Variants in TTC39C observed in about 807,000 individuals in gnomAD.
TTC39C encodes the protein tetratricopeptide repeat domain 39C, also known as tetratricopeptide repeat protein 39C.
A neutral mutation model predicts 76.3 loss-of-function variants in TTC39C; 33 were observed. That is an observed-to-expected ratio of 0.43 (90% CI 0.33 to 0.58). The LOEUF (loss-of-function observed/expected upper bound fraction) is 0.58, where lower values mean the gene tolerates loss of function less well. TTC39C is among the 20% of genes least tolerant of loss of function. TTC39C has a pLI of 0.04. For missense variants in TTC39C, 595 were observed against 701.4 expected (o/e 0.85, Z 1.71); for synonymous variants, 254 against 260.6 (o/e 0.97, Z 0.24).
At chr18:24,107,158 A>G (rs1225122615) in intron 6 of TTC39C, among the ~76,000 whole-genome samples, 7 of 152,168 alleles carry the variant, frequency 4.6e-5, no homozygotes, top group Admixed American at 1.3e-4. Flanking sequence ...TGGATGGTCA[A>G]ATTAAGACCT....
chr18:24,047,040 T>C (rs2083893456), intron 1 of TTC39C, among the ~76,000 whole-genome samples: 1 of 151,824 alleles, frequency 6.6e-6, no homozygotes, highest in African/African-American at 2.4e-5. Flanking sequence ...GCTCAGAACT[T>C]TAGTACAGTT....
intron 1 of TTC39C, among the ~76,000 whole-genome samples, chr18:24,040,193 C>T (rs769156738): frequency 1.3e-5 from 2 of 152,316 alleles, no homozygotes; most frequent in African/African-American, 4.8e-5. Context: ...AAATGATTAA[C>T]GTCAAATAAA....
At chr18:24,031,767 G>C (rs1016726156) in intron 1 of TTC39C, among the ~76,000 whole-genome samples, 1 of 152,114 alleles carries the variant, frequency 6.6e-6, no homozygotes, top group East Asian at 1.9e-4. Flanking sequence ...CTCTTTTGCA[G>C]CCTCTGTGGT....
Position 24,014,774 on chromosome 18 carries a change from C to T in TTC39C, c.-98C>T, listed in dbSNP as rs1177589948. 1 of 1,166,338 alleles carries T rather than the reference C, an allele frequency of 8.6e-7. No homozygotes were observed. Among genetic ancestry groups the T allele is most frequent in the Non-Finnish European group, 1.1e-6 (1 of 944,032 alleles). The allele number at this position is 1,166,338 out of a possible 1,614,324, so 72.2% of individuals were successfully genotyped here. A position where few individuals can be genotyped will look rare whatever the true frequency, so the allele number is the denominator to read the frequency against. ...CCCCTCCCCTCCCCTCCCGGCTCCGCTTGGCTCCGGGCAGGTAGAGCCGGG... is the reference window on the plus strand; with the variant it reads ...CCCCTCCCCTCCCCTCCCGGCTCCGTTTGGCTCCGGGCAGGTAGAGCCGGG... On this transcript the variant is annotated 5_prime_UTR_variant, in exon 1 of 14. Transcript: ENST00000317571.
intron 1 of TTC39C, among the ~76,000 whole-genome samples, chr18:24,060,722 G>T (rs1404096178): frequency 6.6e-6 from 1 of 152,088 alleles, no homozygotes; most frequent in Non-Finnish European, 1.5e-5. Context: ...CAAAGTCCTG[G>T]GTCCCAACAA....
At chr18:24,019,648 G>C (rs889532481) in intron 1 of TTC39C, among the ~76,000 whole-genome samples, 3 of 152,222 alleles carry the variant, frequency 2.0e-5, no homozygotes, top group African/African-American at 7.2e-5. Flanking sequence ...CCATACAGAT[G>C]GTTCCATATA....
At chr18:24,013,642 A>G (rs1483116120), upstream of TTC39C, among the ~76,000 whole-genome samples, 4 of 152,250 alleles carry the variant, frequency 2.6e-5, no homozygotes, top group African/African-American at 9.6e-5. Flanking sequence ...TAAAAACGAC[A>G]GCGACTCAAG....
In TTC39C at chr18:24,121,535, C is replaced by T. The variant is rs559617930; in HGVS notation, c.1187-2299C>T. ...CAGAAGTTGCAGTGAGCCAAGATCG[C>T]GCCATTGCACTCCGGCCTGGGCAAC... On this transcript the variant is annotated intron_variant, in intron 8 of 13. Coordinates refer to ENST00000317571, the MANE Select transcript of TTC39C (RefSeq NM_001135993.2). Among the ~76,000 whole-genome samples the T allele has an allele frequency of 1.4e-4, 22 of 152,136 alleles. No individual in the cohort carries two copies. The East Asian group carries it at 3.1e-3, about 21-fold the overall frequency.
At chr18:24,047,555 T>C (rs2083900588) in intron 1 of TTC39C, among the ~76,000 whole-genome samples, 1 of 152,156 alleles carries the variant, frequency 6.6e-6, no homozygotes, top group Non-Finnish European at 1.5e-5. Context: ...CTTTCTTTCC[T>C]TTTCTCCCTC....
intron 1 of TTC39C, among the ~76,000 whole-genome samples, chr18:24,024,117 A>G (rs1419752217): frequency 6.9e-6 from 1 of 145,302 alleles, no homozygotes; most frequent in Non-Finnish European, 1.5e-5. Flanking sequence ...GGTTCAAGCA[A>G]TTCTCCTGCC....
rs2084368626 is a variant in TTC39C, at chr18:24,080,951, T to A, written c.815+12T>A. On this transcript the variant is annotated intron_variant, in intron 5 of 13. Transcript: ENST00000317571. ...GCCCCTTTAGCTACGTGAGTAGCTG[T>A]ATTGCAATGCTTTGGTAGATAATAT... The A allele has an allele frequency of 6.3e-7, 1 of 1,575,424 alleles. No homozygotes were observed. The highest frequency in any genetic ancestry group is 8.7e-7 in the Non-Finnish European group (1 of 1,151,212).
At chr18:24,074,105 ATAAG>A (rs2084274563) in intron 4 of TTC39C, among the ~76,000 whole-genome samples, 3 of 152,236 alleles carry the variant, frequency 2.0e-5, no homozygotes, top group Admixed American at 1.3e-4. Flanking sequence ...GTAGGAACAA[ATAAG>A]TAAGTAAATA....
At chr18:24,029,206 G>A (rs2083638404) in intron 1 of TTC39C, among the ~76,000 whole-genome samples, 1 of 151,024 alleles carries the variant, frequency 6.6e-6, no homozygotes, top group Non-Finnish European at 1.5e-5. Flanking sequence ...GAGTTCAAGC[G>A]ATTCTCTTGT....
Position 24,129,420 on chromosome 18 carries a change from TTTGA to T in TTC39C, c.1518+441_1518+444del, listed in dbSNP as rs568983360. Among the ~76,000 whole-genome samples, 438 of 152,304 alleles carry T rather than the reference TTTGA, an allele frequency of 2.9e-3. 4 individuals are homozygous for T. The highest frequency in any genetic ancestry group is 0.01 in the African/African-American group (419 of 41,560). On this transcript the variant is annotated intron_variant, in intron 11 of 13. Coordinates refer to ENST00000317571, the MANE Select transcript of TTC39C (RefSeq NM_001135993.2). ...GTCAAGCGAGAGAGTTGTTTTTTTGTTTGATTGCTTGTTTTGAAGAAGTATATAT... is the reference window on the plus strand; with the variant it reads ...GTCAAGCGAGAGAGTTGTTTTTTTGTTTGCTTGTTTTGAAGAAGTATATAT...
chr18:24,125,738 G>A (rs540498393), intron 10 of TTC39C, 188 bp downstream of exon 10: 73 of 658,264 alleles, frequency 1.1e-4, no homozygotes, highest in Non-Finnish European at 1.6e-4. Flanking sequence ...GGAGGAGGAG[G>A]CAGCACTGCT....
chr18:24,121,167 G>A (rs561545214), intron 8 of TTC39C, among the ~76,000 whole-genome samples: 6 of 152,140 alleles, frequency 3.9e-5, no homozygotes, highest in Non-Finnish European at 8.8e-5. Flanking sequence ...TAACATATGG[G>A]ATTGTGTATA....
intron 6 of TTC39C, among the ~76,000 whole-genome samples, chr18:24,092,225 G>A (rs1307141039): frequency 4.0e-5 from 6 of 151,500 alleles, no homozygotes; most frequent in Non-Finnish European, 7.4e-5. Flanking sequence ...GTAAGCTACT[G>A]TTTCACACCC....
chr18:24,091,188 A>G (rs970212792), intron 6 of TTC39C, among the ~76,000 whole-genome samples: 1 of 152,232 alleles, frequency 6.6e-6, no homozygotes, highest in Non-Finnish European at 1.5e-5. Context: ...ACAGTAGCTC[A>G]ATGCCTATAA....
At chr18:24,084,321 G>A (rs1354448466) in intron 6 of TTC39C, among the ~76,000 whole-genome samples, 5 of 151,540 alleles carry the variant, frequency 3.3e-5, no homozygotes, top group Admixed American at 2.6e-4. Context: ...CTGTTTCCAC[G>A]AAAAATACAA....
Sources: gnomAD v4.1 joint callset for allele counts (sites outside exome capture counted in the v4.1 genomes callset) on GRCh38, gnomAD v4.1.1 for gene constraint, MANE v1.5 for transcripts, NCBI Gene and HGNC (gene_info 2026-07-23, HGNC 2026-07-21) for gene names.